ARHGEF18: variants seen among roughly 807,000 people sequenced by gnomAD.
ARHGEF18 encodes rho guanine nucleotide exchange factor 18.
Under a neutral mutation model 155.7 loss-of-function variants are expected in ARHGEF18, and 93 were observed. The ratio of observed to expected loss-of-function variants is 0.60; its 90% confidence interval spans 0.50 to 0.71. The LOEUF is 0.71. ARHGEF18 is among the 30% of genes least tolerant of loss of function. The pLI, the probability that ARHGEF18 is intolerant of heterozygous loss-of-function variation, is 0.00. For missense variants in ARHGEF18, 1,593 were observed against 1,816.1 expected, an observed-to-expected ratio of 0.88 and a Z score of 2.23; for synonymous variants, 742 against 753.1, an observed-to-expected ratio of 0.99 and a Z score of 0.24.
chr19:7,458,728 C>T (rs1226733683), intron 19 of ARHGEF18, 38 bp downstream of exon 19: 1 of 1,576,190 alleles, frequency 6.3e-7, no homozygotes, highest in Non-Finnish European at 8.6e-7. Context: ...CCACTGTGTT[C>T]CTTCCGCTGA....
intron 1 of ARHGEF18, among the ~76,000 whole-genome samples, chr19:7,360,069 C>T (rs1210883304): frequency 3.3e-5 from 5 of 152,028 alleles, no homozygotes; most frequent in Admixed American, 6.6e-5. Flanking sequence ...ACAGGAGAAT[C>T]GCTTGTACCC....
In ARHGEF18 at chr19:7,459,893, C is replaced by T; in HGVS notation, c.2361-10C>T. ...AAGCACAGTTACCCACCCGACTCCTCTCCCTGCAGCTGCCCTGACGAGGAG... is the reference window on the plus strand; with the variant it reads ...AAGCACAGTTACCCACCCGACTCCTTTCCCTGCAGCTGCCCTGACGAGGAG... On this transcript the variant is annotated splice_polypyrimidine_tract_variant and intron_variant, in intron 19 of 28. Transcript: ENST00000668164. 1.9e-6 allele frequency: 3 copies of T among 1,564,108 alleles called. No homozygotes were observed. The highest frequency in any genetic ancestry group is 2.6e-6 in the Non-Finnish European group (3 of 1,154,150).
intron 16 of ARHGEF18, 82 bp downstream of exon 16, chr19:7,451,348 A>C: frequency 8.6e-7 from 1 of 1,167,002 alleles, no homozygotes; most frequent in South Asian, 1.4e-5. Flanking sequence ...CTATTTGAGC[A>C]GCAAACTGAA....
At chr19:7,417,228 A>G (rs1347625529) in intron 10 of ARHGEF18, among the ~76,000 whole-genome samples, 1 of 152,064 alleles carries the variant, frequency 6.6e-6, no homozygotes, top group Admixed American at 6.6e-5. Context: ...GATATTTTAA[A>G]CAAGGTGGCC....
At chr19:7,477,600 C>T in the ARHGEF18 span, among the ~76,000 whole-genome samples, 1 of 152,148 alleles carries the variant, frequency 6.6e-6, no homozygotes, top group Admixed American at 6.5e-5. Context: ...AGACTGAGTC[C>T]CCATCACCCC....
chr19:7,448,523 T>C (rs902935873), intron 15 of ARHGEF18, among the ~76,000 whole-genome samples: 3 of 151,746 alleles, frequency 2.0e-5, no homozygotes, highest in Admixed American at 1.3e-4. Flanking sequence ...TAGCCAGGCG[T>C]GGTGGTGGGC....
Position 7,395,617 on chromosome 19 carries a change from C to G in ARHGEF18, c.967+12414C>G, listed in dbSNP as rs1971655175. 6.6e-6 allele frequency among the ~76,000 whole-genome samples: 1 copy of G among 152,098 alleles called. No homozygotes were observed. Among genetic ancestry groups the G allele is most frequent in the Admixed American group, 6.5e-5 (1 of 15,278 alleles). On this transcript the variant is annotated intron_variant, in intron 10 of 28. Coordinates refer to ENST00000668164, the MANE Select transcript of ARHGEF18 (RefSeq NM_001367823.1). The surrounding 1 kb of genome is among the most constrained non-coding windows in gnomAD (Gnocchi z 5.0). The stretch of plus-strand genomic sequence containing the variant: ...GGGCAGGACCAGGGATGGAATGGAA[C>G]CCACCACAATACCCAGCACCGTCGT...
chr19:7,427,890 GC>G (rs2070953211), intron 10 of ARHGEF18, among the ~76,000 whole-genome samples: 1 of 152,084 alleles, frequency 6.6e-6, no homozygotes, highest in African/African-American at 2.4e-5. Flanking sequence ...TCTGCAGTGA[GC>G]CAAGATCGTG....
At chr19:7,392,209 C>A (rs1373081653) in intron 10 of ARHGEF18, among the ~76,000 whole-genome samples, 1 of 143,096 alleles carries the variant, frequency 7.0e-6, no homozygotes, top group Non-Finnish European at 1.5e-5. Context: ...CCACTGCACT[C>A]CAGCTTGGGC....
At chr19:7,422,711 CTTTTCTT>C (rs1246233846) in intron 10 of ARHGEF18, among the ~76,000 whole-genome samples, 2 of 129,020 alleles carry the variant, frequency 1.6e-5, no homozygotes, top group Non-Finnish European at 3.4e-5. Flanking sequence ...TGTGTTCTAA[CTTTTCTT>C]TTTTTTTTTT....
At chr19:7,466,381 CAA>C (rs3030730) in intron 23 of ARHGEF18, among the ~76,000 whole-genome samples, 184 of 98,510 alleles carry the variant, frequency 1.9e-3, no homozygotes, top group South Asian at 4.2e-3. Flanking sequence ...AACTCCATCT[CAA>C]AAAAAAAAAA....
intron 7 of ARHGEF18, among the ~76,000 whole-genome samples, chr19:7,380,404 A>G (rs989447692): frequency 3.2e-4 from 48 of 150,582 alleles, no homozygotes; most frequent in South Asian, 1.1e-3. Context: ...GCGTGAACCC[A>G]GGAGGCGGAG....
intron 10 of ARHGEF18, among the ~76,000 whole-genome samples, chr19:7,403,561 T>TG (rs1366822316): frequency 1.3e-4 from 19 of 150,210 alleles, no homozygotes; most frequent in African/African-American, 4.7e-4. Flanking sequence ...TTCTTTTTTT[T>TG]TTTTTTGAGA....
At chr19:7,427,257 C>A (rs949191930) in intron 10 of ARHGEF18, among the ~76,000 whole-genome samples, 1 of 152,140 alleles carries the variant, frequency 6.6e-6, no homozygotes, top group Non-Finnish European at 1.5e-5. Flanking sequence ...CTCACTTTCG[C>A]AAGGTGGGCC....
rs560453300 is a variant in ARHGEF18 at position 7,451,170 on chromosome 19, G to A, written c.1759G>A (p.Val587Met). 2.5e-5 allele frequency: 40 copies of A among 1,568,804 alleles called. No homozygotes were observed. The highest frequency in any genetic ancestry group is 6.9e-5 in the East Asian group (3 of 43,688). ...LIKKIGNFSI[V>M]RRLGVQECIL... is the part of the protein sequence containing the mutation. ...CTAGAAAATTGGCAACTTCTCCATCGTGCGGCGGCTTGGCGTGCAGGAGTG... is the reference window on the plus strand; with the variant it reads ...CTAGAAAATTGGCAACTTCTCCATCATGCGGCGGCTTGGCGTGCAGGAGTG... Residue 587 changes from valine to methionine, a missense_variant, in exon 16 of 29, where the codon GTG (valine) becomes ATG (methionine). Physicochemically the swap from Val to Met is conservative, Grantham distance 21 (BLOSUM62 1). Transcript: ENST00000668164.
intron 16 of ARHGEF18, among the ~76,000 whole-genome samples, chr19:7,452,487 T>C (rs1417487908): frequency 6.6e-6 from 1 of 151,818 alleles, no homozygotes; most frequent in African/African-American, 2.4e-5. Context: ...TATTGTAAGA[T>C]GGAGTTTCAC....
rs1159186670 is a variant in ARHGEF18 at position 7,457,353 on chromosome 19, C to CTTTTTTT, written c.2181+971_2181+977dup. Among the ~76,000 whole-genome samples the CTTTTTTT allele has an allele frequency of 3.5e-3, 208 of 60,232 alleles. 35 individuals are homozygous for CTTTTTTT. The highest frequency in any genetic ancestry group is 0.015 in the African/African-American group (187 of 12,340). 39.5% of individuals were successfully genotyped at this position (60,232 alleles called of 152,430 possible). A position where few individuals can be genotyped will look rare whatever the true frequency, so the allele number is the denominator to read the frequency against. ...ATCTCATTTTGCCATAATCACCTCT[C>CTTTTTTT]TTTTTTTTTTTTTTTTTTTTTTTTT... On this transcript the variant is annotated intron_variant, in intron 18 of 28. Transcript: ENST00000668164.
intron 10 of ARHGEF18, among the ~76,000 whole-genome samples, chr19:7,404,213 G>A (rs1386179439): frequency 1.3e-5 from 2 of 152,110 alleles, no homozygotes; most frequent in Admixed American, 6.6e-5. Flanking sequence ...AGGCAGGTAC[G>A]GGCTGCCCTG....
chr19:7,415,741 G>T (rs917865751), intron 10 of ARHGEF18, among the ~76,000 whole-genome samples: 3 of 151,744 alleles, frequency 2.0e-5, no homozygotes, highest in Non-Finnish European at 4.4e-5. Context: ...ACAGAGACCC[G>T]CAGCTCCTGG....
Sources: gnomAD v4.1 joint callset for allele counts (sites outside exome capture counted in the v4.1 genomes callset) on GRCh38, gnomAD v4.1.1 for gene constraint, Gnocchi (gnomAD v3.1) non-coding constraint, MANE v1.5 for transcripts, NCBI Gene and HGNC (gene_info 2026-07-23, HGNC 2026-07-21) for gene names.